Variants in ARHGAP18 observed in about 807,000 individuals in gnomAD.
ARHGAP18 encodes rho GTPase-activating protein 18.
Under a neutral mutation model 86.2 loss-of-function variants are expected in ARHGAP18, and 67 were observed. That is an observed-to-expected ratio of 0.78 (90% CI 0.64 to 0.95). The LOEUF is 0.95. ARHGAP18 is among the 40% of genes least tolerant of loss of function. ARHGAP18 has a pLI of 0.00. For missense variants in ARHGAP18, 691 were observed against 780.4 expected (o/e 0.89, Z 1.37); for synonymous variants, 283 against 280.4 (o/e 1.01, Z -0.09).
chr6:129,686,257 C>T (rs1164438282), intron 1 of ARHGAP18, among the ~76,000 whole-genome samples: 1 of 152,156 alleles, frequency 6.6e-6, no homozygotes, highest in African/African-American at 2.4e-5. Context: ...CCAAACCCTC[C>T]TACCATGGCT....
chr6:129,624,167 TTTAA>T (rs1376462324), intron 5 of ARHGAP18, among the ~76,000 whole-genome samples: 1 of 152,210 alleles, frequency 6.6e-6, no homozygotes, highest in East Asian at 1.9e-4. Flanking sequence ...CTTCATTTTG[TTTAA>T]TTAGATTCTA....
chr6:129,614,171 C>G (rs1789042992), intron 7 of ARHGAP18, among the ~76,000 whole-genome samples: 1 of 152,126 alleles, frequency 6.6e-6, no homozygotes, highest in Non-Finnish European at 1.5e-5. Flanking sequence ...TGTTAGTGTC[C>G]TTTTCGGGTA....
At chr6:129,652,643 T>C (rs1247387882) in intron 1 of ARHGAP18, among the ~76,000 whole-genome samples, 1 of 152,180 alleles carries the variant, frequency 6.6e-6, no homozygotes. Context: ...AGATACAAAT[T>C]CCCTCACATA....
chr6:129,699,833 C>T (rs1302409929), intron 1 of ARHGAP18, among the ~76,000 whole-genome samples: 2 of 152,138 alleles, frequency 1.3e-5, no homozygotes, highest in East Asian at 3.9e-4. Flanking sequence ...GCAGGAACTA[C>T]TGTGTTGATA....
chr6:129,698,328 C>A (rs1419267960), intron 1 of ARHGAP18, among the ~76,000 whole-genome samples: 1 of 152,134 alleles, frequency 6.6e-6, no homozygotes, highest in East Asian at 1.9e-4. Flanking sequence ...TTACCCAAAT[C>A]TCTAAATATG....
chr6:129,658,270 C>T (rs370988044), intron 1 of ARHGAP18, among the ~76,000 whole-genome samples: 22 of 152,304 alleles, frequency 1.4e-4, no homozygotes, highest in Middle Eastern at 3.4e-3. Flanking sequence ...TTGGAAGTGG[C>T]AAGCAAGGAC....
intron 2 of ARHGAP18, 26 bp downstream of exon 2, chr6:129,641,790 A>C: frequency 6.3e-7 from 1 of 1,582,212 alleles, no homozygotes; most frequent in Non-Finnish European, 8.7e-7. Context: ...TACAAACAAC[A>C]AAAGCTTTAT....
intron 3 of ARHGAP18, among the ~76,000 whole-genome samples, chr6:129,635,106 G>T: frequency 6.6e-6 from 1 of 152,162 alleles, no homozygotes; most frequent in East Asian, 1.9e-4. Flanking sequence ...TCCAGGTAAG[G>T]CTTCAGAAGG....
At chr6:129,694,350 T>C (rs1368004341) in intron 1 of ARHGAP18, among the ~76,000 whole-genome samples, 1 of 152,248 alleles carries the variant, frequency 6.6e-6, no homozygotes, top group East Asian at 1.9e-4. Flanking sequence ...TTTACCTCTG[T>C]GCTTCTGTTT....
At chr6:129,692,472 G>A (rs1362898651) in intron 1 of ARHGAP18, among the ~76,000 whole-genome samples, 1 of 152,146 alleles carries the variant, frequency 6.6e-6, no homozygotes, top group African/African-American at 2.4e-5. Context: ...ATGATATCAT[G>A]TCAAGGTGGT....
chr6:129,579,388 C>T (rs1273537545), intron 14 of ARHGAP18, among the ~76,000 whole-genome samples: 1 of 152,038 alleles, frequency 6.6e-6, no homozygotes. Context: ...CAAAAACACC[C>T]TACAAAATTT....
chr6:129,625,857 TTTATATA>T (rs796761426), intron 5 of ARHGAP18, among the ~76,000 whole-genome samples: 12,154 of 76,880 alleles, frequency 0.16, 1,498 homozygotes, highest in Non-Finnish European at 0.21. Flanking sequence ...ATATATTATA[TTTATATA>T]TTATATATTA....
At chr6:129,674,732 G>C (rs182439642) in intron 1 of ARHGAP18, among the ~76,000 whole-genome samples, 1 of 152,192 alleles carries the variant, frequency 6.6e-6, no homozygotes, top group East Asian at 1.9e-4. Flanking sequence ...GTGAATTTTG[G>C]TGTCCTCAGG....
intron 8 of ARHGAP18, among the ~76,000 whole-genome samples, chr6:129,610,630 CT>C (rs899825771): frequency 4.0e-5 from 6 of 149,526 alleles, no homozygotes; most frequent in East Asian, 3.9e-4. Context: ...TGGCCTTTTT[CT>C]TTTTTTTTTC....
At chr6:129,678,156 T>C (rs911190457) in intron 1 of ARHGAP18, among the ~76,000 whole-genome samples, 3 of 152,248 alleles carry the variant, frequency 2.0e-5, no homozygotes, top group Non-Finnish European at 4.4e-5. Context: ...CAAGTGTGTG[T>C]TATTTCACAC....
intron 1 of ARHGAP18, among the ~76,000 whole-genome samples, chr6:129,662,153 T>C (rs1773966578): frequency 6.6e-6 from 1 of 152,244 alleles, no homozygotes; most frequent in African/African-American, 2.4e-5. Flanking sequence ...AATATATCTT[T>C]AATGGTTTTA....
At chr6:129,648,520 C>A (rs1304159709) in intron 1 of ARHGAP18, among the ~76,000 whole-genome samples, 2 of 151,330 alleles carry the variant, frequency 1.3e-5, no homozygotes, top group Non-Finnish European at 2.9e-5. Context: ...ACTTGTAATC[C>A]CACCACTTTG....
chr6:129,632,698 C>T lies in ARHGAP18; in HGVS notation c.616+1344G>A, dbSNP rs527303530. On this transcript the variant is annotated intron_variant, in intron 4 of 14. Transcript: ENST00000368149. ...ATAATGCATACAACTGAAGAAACAT[C>T]CACAGAATAATAAAAAGCAAGTATT... Among the ~76,000 whole-genome samples the T allele has an allele frequency of 2.0e-5, 3 of 152,208 alleles. No individual in the cohort carries two copies. In the East Asian group the frequency reaches 5.8e-4, roughly 29 times the overall value.
rs974957976 is a variant in ARHGAP18, at chr6:129,709,119, T to C, written c.113+905A>G. Among the ~76,000 whole-genome samples, 5 of 152,334 alleles carry C rather than the reference T, an allele frequency of 3.3e-5. 1 individual carries two copies. In the East Asian group the frequency reaches 9.6e-4, roughly 29 times the overall value. On this transcript the variant is annotated intron_variant, in intron 1 of 14. Transcript: ENST00000368149. ...CACATAAGAACAAAGAAGGTTTTAT[T>C]ATCACATTAAGCATTGAGGAGGAAA...
Sources: allele counts gnomAD v4.1 joint callset (sites outside exome capture counted in the v4.1 genomes callset), GRCh38; gene constraint gnomAD v4.1.1; transcripts MANE v1.5; gene names NCBI Gene and HGNC (gene_info 2026-07-23, HGNC 2026-07-21).